Variants in MINDY3 observed in about 807,000 individuals in gnomAD.
MINDY3 encodes MINDY lysine 48 deubiquitinase 3.
A neutral mutation model predicts 69.2 loss-of-function variants in MINDY3; 38 were observed. That is an observed-to-expected ratio of 0.55 (90% CI 0.42 to 0.72). The LOEUF (loss-of-function observed/expected upper bound fraction) is 0.72. MINDY3 is among the 30% of genes least tolerant of loss of function. The pLI is 0.00. For missense variants in MINDY3, 522 were observed against 519.0 expected, an observed-to-expected ratio of 1.01 and a Z score of -0.06; for synonymous variants, 192 against 180.1, an observed-to-expected ratio of 1.07 and a Z score of -0.53.
At chr10:15,793,725 G>A (rs1029077375) in intron 11 of MINDY3, among the ~76,000 whole-genome samples, 8 of 152,086 alleles carry the variant, frequency 5.3e-5, no homozygotes, top group African/African-American at 1.9e-4. Flanking sequence ...TCAAAAGGTT[G>A]TTCTCCAAAG....
At chr10:15,799,899 G>A (rs1334530340) in intron 10 of MINDY3, among the ~76,000 whole-genome samples, 1 of 152,146 alleles carries the variant, frequency 6.6e-6, no homozygotes, top group Non-Finnish European at 1.5e-5. Context: ...TGAGCTATTA[G>A]AAATAGAATA....
intron 1 of MINDY3, among the ~76,000 whole-genome samples, chr10:15,850,272 A>G (rs1834186456): frequency 6.6e-6 from 1 of 152,184 alleles, no homozygotes; most frequent in African/African-American, 2.4e-5. Context: ...AATTGCTTGT[A>G]GAGCATGTGT....
intron 12 of MINDY3, among the ~76,000 whole-genome samples, chr10:15,788,012 C>T (rs147192261): frequency 4.0e-5 from 6 of 151,898 alleles, no homozygotes; most frequent in South Asian, 2.1e-4. Flanking sequence ...ATTCAAGGTA[C>T]GTTTTCCATC....
intron 8 of MINDY3, among the ~76,000 whole-genome samples, chr10:15,827,542 CAATAAATAAATA>C (rs142839462): frequency 0.01 from 1,533 of 148,726 alleles, 15 homozygotes; most frequent in Middle Eastern, 0.031. Flanking sequence ...GACTCCGTCT[CAATAAATAAATA>C]AATAAATAAA....
intron 14 of MINDY3, among the ~76,000 whole-genome samples, chr10:15,779,547 G>A (rs1022366020): frequency 5.9e-5 from 9 of 152,186 alleles, no homozygotes; most frequent in Admixed American, 2.0e-4. Flanking sequence ...CTAATGAAAC[G>A]GAGAGCTATA....
intron 3 of MINDY3, among the ~76,000 whole-genome samples, chr10:15,842,652 G>A (rs1474220851): frequency 6.6e-6 from 1 of 151,768 alleles, no homozygotes. Flanking sequence ...TTTACTGTGA[G>A]GTTCACAGGA....
intron 4 of MINDY3, among the ~76,000 whole-genome samples, chr10:15,839,285 G>A (rs1833301044): frequency 6.6e-6 from 1 of 151,562 alleles, no homozygotes; most frequent in South Asian, 2.1e-4. Flanking sequence ...CAGTCCAAAT[G>A]TATTAAGTTA....
In MINDY3 at chr10:15,828,498, CTG is replaced by C. The variant is rs202109754; in HGVS notation, c.730+5130_730+5131del. Among the ~76,000 whole-genome samples, 644 of 151,668 alleles carry C rather than the reference CTG, an allele frequency of 4.2e-3. 6 individuals are homozygous for C. The highest frequency in any genetic ancestry group is 0.014 in the African/African-American group (592 of 41,284). On this transcript the variant is annotated intron_variant, in intron 8 of 14. Transcript: ENST00000277632. ...TGATTGTGGTGATGGCTAAACAACT[CTG>C]AGAAAATATTTAAAATACTGAATTG...
chr10:15,860,215 A>C lies in MINDY3; in HGVS notation c.85T>G (p.Trp29Gly). 1 of 1,608,086 alleles carries C rather than the reference A, an allele frequency of 6.2e-7. No homozygotes were observed. Among genetic ancestry groups the C allele is most frequent in the Non-Finnish European group, 8.5e-7 (1 of 1,177,262 alleles). ...AGCCCCGCCAGGGTACCTTGCGTCC[A>C]GCGGCAGAAAATGGTGTCCGAGAGA... is the stretch of plus-strand genomic sequence containing the variant. Reference protein sequence around the residue: ...PGLSDTIFCRWTQGFVFSESE... With the variant: ...PGLSDTIFCRGTQGFVFSESE... Residue 29 changes from tryptophan to glycine, a missense_variant, in exon 1 of 15, where the codon TGG (tryptophan) becomes GGG (glycine). Coordinates refer to ENST00000277632, the MANE Select transcript of MINDY3 (RefSeq NM_024948.4).
intron 1 of MINDY3, among the ~76,000 whole-genome samples, chr10:15,854,693 GA>G (rs1834566717): frequency 2.6e-5 from 4 of 152,070 alleles, no homozygotes; most frequent in Non-Finnish European, 5.9e-5. Flanking sequence ...AAAGAACTAA[GA>G]GAAGCACTGA....
intron 14 of MINDY3, 31 bp downstream of exon 14, chr10:15,782,124 T>G: frequency 6.6e-7 from 1 of 1,507,748 alleles, no homozygotes; most frequent in Non-Finnish European, 9.2e-7. Context: ...TCAACCCAGT[T>G]GAACACCGAC....
At chr10:15,846,296 T>G (rs1301784353) in intron 2 of MINDY3, among the ~76,000 whole-genome samples, 1 of 152,194 alleles carries the variant, frequency 6.6e-6, no homozygotes, top group Non-Finnish European at 1.5e-5. Context: ...ACTATATTCA[T>G]GCACTTGCAA....
At chr10:15,843,132 C>T (rs1291976639) in intron 3 of MINDY3, 80 bp downstream of exon 3, 2 of 1,190,078 alleles carry the variant, frequency 1.7e-6, no homozygotes, top group African/African-American at 1.5e-5. Context: ...CCCACTGATA[C>T]TTGACTTTCT....
In MINDY3 at chr10:15,837,237, T is replaced by C. The variant is rs1449185225; in HGVS notation, c.543A>G (p.Val181=). Residue 181 remains valine (V), a synonymous_variant, in exon 6 of 15, where the codon GTA becomes GTG. Transcript: ENST00000277632. ...QYSMWGNKFG[V]LLFLYSVLLT... is the part of the protein sequence containing the mutation. ...GTAATACAGAATACAGAAAAAGCAA[T>C]ACTCCAAATTTATTTCCCCACATTG... 1.2e-6 allele frequency: 2 copies of C among 1,605,644 alleles called. No homozygotes were observed. Among genetic ancestry groups the C allele is most frequent in the Non-Finnish European group, 1.7e-6 (2 of 1,174,830 alleles).
At chr10:15,835,475 C>T (rs1470205803) in intron 6 of MINDY3, among the ~76,000 whole-genome samples, 1 of 152,046 alleles carries the variant, frequency 6.6e-6, no homozygotes, top group Non-Finnish European at 1.5e-5. Context: ...TTGCATATGC[C>T]ATCCTCCTAA....
chr10:15,795,145 T>A (rs1203198173), intron 11 of MINDY3, among the ~76,000 whole-genome samples: 2 of 152,080 alleles, frequency 1.3e-5, no homozygotes, highest in Non-Finnish European at 2.9e-5. Flanking sequence ...CTTGGACAAC[T>A]GCTTGTACCA....
intron 1 of MINDY3, chr10:15,858,043 C>T (rs1834819971): frequency 1.5e-5 from 7 of 480,418 alleles, no homozygotes; most frequent in Non-Finnish European, 1.9e-5. Context: ...CCCACAATCC[C>T]AAAGGACTGC....
At chr10:15,841,283 T>C (rs1028592388) in intron 4 of MINDY3, 143 bp downstream of exon 4, 5 of 642,072 alleles carry the variant, frequency 7.8e-6, no homozygotes, top group Admixed American at 3.3e-5. Context: ...AAATAAAAAA[T>C]AGTGAGGCTC....
chr10:15,853,724 T>C (rs945664723), intron 1 of MINDY3, among the ~76,000 whole-genome samples: 1 of 148,344 alleles, frequency 6.7e-6, no homozygotes, highest in Non-Finnish European at 1.5e-5. Flanking sequence ...AACTGCAAGC[T>C]GAACCAGCTA....
Sources: gnomAD v4.1 joint callset for allele counts (sites outside exome capture counted in the v4.1 genomes callset) on GRCh38, gnomAD v4.1.1 for gene constraint, MANE v1.5 for transcripts, NCBI Gene and HGNC (gene_info 2026-07-23, HGNC 2026-07-21) for gene names.